The following KLF12 variants were observed in gnomAD, a reference collection of about 807,000 sequenced individuals.
The protein encoded by KLF12 is Krueppel-like factor 12.
In KLF12, 9 loss-of-function variants were observed where a neutral mutation model predicts 37.8. That is an observed-to-expected ratio of 0.24 (90% CI 0.14 to 0.42). The LOEUF (loss-of-function observed/expected upper bound fraction) is 0.42. Among genes scored for constraint, KLF12 ranks in the 10% least tolerant of loss-of-function variants. The pLI, the probability that KLF12 is intolerant of heterozygous loss-of-function variation, is 1.00. For synonymous variants in KLF12, 208 were observed against 202.1 expected, an observed-to-expected ratio of 1.03 and a Z score of -0.25; for missense variants, 411 against 516.0, an observed-to-expected ratio of 0.80 and a Z score of 1.97.
intron 3 of KLF12, among the ~76,000 whole-genome samples, chr13:73,902,676 G>A (rs554446035): frequency 4.6e-5 from 7 of 152,316 alleles, no homozygotes; most frequent in African/African-American, 1.7e-4. Flanking sequence ...ATAATTCACT[G>A]TTAAATCACA....
intron 5 of KLF12, among the ~76,000 whole-genome samples, chr13:73,768,886 A>T (rs1312516503): frequency 2.0e-5 from 3 of 149,666 alleles, no homozygotes; most frequent in Non-Finnish European, 3.0e-5. Context: ...ATCATGGATG[A>T]TATAAGATTA....
intron 3 of KLF12, among the ~76,000 whole-genome samples, chr13:73,894,170 A>G (rs1358868654): frequency 1.3e-5 from 2 of 152,212 alleles, no homozygotes; most frequent in Non-Finnish European, 2.9e-5. Flanking sequence ...CAGACGGGAC[A>G]TAGTTTGCAG....
chr13:73,707,694 G>C (rs2137626029), intron 7 of KLF12, among the ~76,000 whole-genome samples: 1 of 152,282 alleles, frequency 6.6e-6, no homozygotes. Context: ...TCACTCGTCT[G>C]AAGTTAAGAT....
chr13:74,070,317 AACG>A (rs1372215295), intron 1 of KLF12, among the ~76,000 whole-genome samples: 1 of 152,222 alleles, frequency 6.6e-6, no homozygotes, highest in Non-Finnish European at 1.5e-5. Context: ...TTAGCAGGTA[AACG>A]ACCACTAGCC....
At chr13:73,861,865 A>T (rs1377602367) in intron 3 of KLF12, among the ~76,000 whole-genome samples, 4 of 152,176 alleles carry the variant, frequency 2.6e-5, no homozygotes, top group Admixed American at 2.6e-4. Context: ...CTTAGCATGT[A>T]GTGCACTTAA....
At chr13:73,793,517 G>C (rs1404774556) in intron 5 of KLF12, among the ~76,000 whole-genome samples, 3 of 152,176 alleles carry the variant, frequency 2.0e-5, no homozygotes, top group African/African-American at 7.2e-5. Flanking sequence ...AGTTGACAAA[G>C]TCCTTTGTTA....
intron 2 of KLF12, among the ~76,000 whole-genome samples, chr13:73,946,394 A>G (rs1248800835): frequency 6.6e-6 from 1 of 152,248 alleles, no homozygotes; most frequent in African/African-American, 2.4e-5. Context: ...TTAGTTTAAA[A>G]AATGGAAGCT....
chr13:73,914,622 C>T (rs921994336), intron 3 of KLF12, among the ~76,000 whole-genome samples: 6 of 152,322 alleles, frequency 3.9e-5, no homozygotes, highest in Admixed American at 1.3e-4. Flanking sequence ...CTGTGAAGGA[C>T]CTTCTTCCCC....
At chr13:74,103,135 G>A (rs184138577) in intron 1 of KLF12, among the ~76,000 whole-genome samples, 6 of 152,294 alleles carry the variant, frequency 3.9e-5, no homozygotes, top group Admixed American at 2.6e-4. Flanking sequence ...GATGAAATGC[G>A]AAACGTGTGC....
intron 4 of KLF12, among the ~76,000 whole-genome samples, chr13:73,838,139 C>T (rs1256370902): frequency 6.9e-6 from 1 of 144,330 alleles, no homozygotes; most frequent in Admixed American, 6.9e-5. Context: ...GTTGCATCAA[C>T]GGGACAGAAC....
At chr13:74,126,459 T>C (rs1182689650) in intron 1 of KLF12, among the ~76,000 whole-genome samples, 1 of 152,084 alleles carries the variant, frequency 6.6e-6, no homozygotes, top group Admixed American at 6.5e-5. Context: ...TTTCATTTTT[T>C]TCACAATTTT....
intron 3 of KLF12, among the ~76,000 whole-genome samples, chr13:73,931,941 C>G (rs1889705715): frequency 6.6e-6 from 1 of 151,080 alleles, no homozygotes; most frequent in African/African-American, 2.4e-5. Context: ...CTTGTTAGAG[C>G]TGACTTAGCT....
intron 5 of KLF12, among the ~76,000 whole-genome samples, chr13:73,782,215 A>G (rs913576818): frequency 6.6e-6 from 1 of 152,184 alleles, no homozygotes; most frequent in African/African-American, 2.4e-5. Flanking sequence ...CAGGTTTCCT[A>G]TCTTCATAAT....
chr13:74,086,695 C>T (rs1431709033), intron 1 of KLF12, among the ~76,000 whole-genome samples: 2 of 152,058 alleles, frequency 1.3e-5, no homozygotes, highest in East Asian at 1.9e-4. Flanking sequence ...ACCCCTACCT[C>T]GGGCACAGTG....
chr13:73,951,336 GC>G (rs766268474), intron 2 of KLF12, among the ~76,000 whole-genome samples: 11 of 151,998 alleles, frequency 7.2e-5, no homozygotes, highest in Non-Finnish European at 1.5e-4. Context: ...TCATTTAATC[GC>G]ACATCAACTT....
the KLF12 span, among the ~76,000 whole-genome samples, chr13:74,169,622 C>A: frequency 1.3e-5 from 2 of 152,110 alleles, no homozygotes; most frequent in South Asian, 4.1e-4. Flanking sequence ...CACTCTTTGC[C>A]CTTGGATAAC....
At chr13:74,081,696 G>A (rs1479999380) in intron 1 of KLF12, among the ~76,000 whole-genome samples, 1 of 152,114 alleles carries the variant, frequency 6.6e-6, no homozygotes, top group Non-Finnish European at 1.5e-5. Context: ...ATTATTTATT[G>A]CAACAGCAGA....
chr13:74,057,246 A>G (rs977316534), intron 1 of KLF12, among the ~76,000 whole-genome samples: 5 of 152,252 alleles, frequency 3.3e-5, no homozygotes, highest in Non-Finnish European at 7.3e-5. Flanking sequence ...AGGCAAGGGA[A>G]AAGGGCTGTG....
chr13:73,895,977 C>T (rs1030192888), intron 3 of KLF12, among the ~76,000 whole-genome samples: 7 of 152,194 alleles, frequency 4.6e-5, no homozygotes, highest in Admixed American at 2.6e-4. Context: ...CGTGCCACCA[C>T]GCCTGACTAA....
Sources: allele counts gnomAD v4.1 joint callset (sites outside exome capture counted in the v4.1 genomes callset), GRCh38; gene constraint gnomAD v4.1.1; transcripts MANE v1.5; gene names NCBI Gene and HGNC (gene_info 2026-07-23, HGNC 2026-07-21).